The following SLC24A3 variants were observed in gnomAD, a reference collection of about 807,000 sequenced individuals.
SLC24A3 encodes the protein sodium/potassium/calcium exchanger 3.
In SLC24A3, 28 loss-of-function variants were observed where a neutral mutation model predicts 75.8. The observed-to-expected ratio is 0.37, with a 90% confidence interval of 0.27 to 0.51. SLC24A3 has a LOEUF of 0.51. SLC24A3 is among the 20% of genes least tolerant of loss of function. The pLI is 0.94. For missense variants in SLC24A3, 663 were observed against 847.8 expected (o/e 0.78, Z 2.71); for synonymous variants, 372 against 334.1 (o/e 1.11, Z -1.24).
At chr20:19,450,431 A>G (rs1381814239) in intron 2 of SLC24A3, among the ~76,000 whole-genome samples, 1 of 151,890 alleles carries the variant, frequency 6.6e-6, no homozygotes, top group Non-Finnish European at 1.5e-5. Context: ...GGGGAGGAGG[A>G]GGTGGCAGAG....
Position 19,328,287 on chromosome 20 carries a change from T to C in SLC24A3, c.271+47200T>C, listed in dbSNP as rs567847356. Among the ~76,000 whole-genome samples, 5 of 152,180 alleles carry C rather than the reference T, an allele frequency of 3.3e-5. 1 individual carries two copies. Among genetic ancestry groups the C allele is most frequent in the African/African-American group, 9.6e-5 (4 of 41,544 alleles). ...CCAGGTCTCTTAGGGTCTTGGGGGC[T>C]GGTGGAGGTCTTCTGCATTCACTGT... On this transcript the variant is annotated intron_variant, in intron 2 of 16. Transcript: ENST00000328041.
intron 6 of SLC24A3, among the ~76,000 whole-genome samples, chr20:19,603,855 C>A (rs530314947): frequency 6.6e-6 from 1 of 152,142 alleles, no homozygotes; most frequent in Non-Finnish European, 1.5e-5. Flanking sequence ...CGAGCTGGTG[C>A]GTATGAGAGC....
Position 19,485,201 on chromosome 20 carries a change from A to G in SLC24A3, c.272-30287A>G, listed in dbSNP as rs563229216. Among the ~76,000 whole-genome samples the G allele has an allele frequency of 3.1e-4, 47 of 152,292 alleles. 1 individual carries two copies. The South Asian group carries it at 9.5e-3, about 31-fold the overall frequency. On this transcript the variant is annotated intron_variant, in intron 2 of 16. Transcript: ENST00000328041. ...ATCTTCTAAATATTCTTGTCCAGATACACAAAGAAGTGTGCATAGGATGAT... is the reference window on the plus strand; with the variant it reads ...ATCTTCTAAATATTCTTGTCCAGATGCACAAAGAAGTGTGCATAGGATGAT...
At chr20:19,347,230 G>C (rs1163540644) in intron 2 of SLC24A3, among the ~76,000 whole-genome samples, 2 of 152,106 alleles carry the variant, frequency 1.3e-5, no homozygotes, top group African/African-American at 4.8e-5. Context: ...GAGGAAGGAG[G>C]GATAACTAGG....
rs377602269 is a variant in SLC24A3 at position 19,590,250 on chromosome 20, C to A, written c.612+4706C>A. On this transcript the variant is annotated intron_variant, in intron 6 of 16. Coordinates refer to ENST00000328041, the MANE Select transcript of SLC24A3 (RefSeq NM_020689.4). The stretch of plus-strand genomic sequence containing the variant: ...TCTTATACTCAGATGGCATCTCCCA[C>A]AGCTGGGCTTTTGCTTCCACCACAG... 6.6e-5 allele frequency among the ~76,000 whole-genome samples: 10 copies of A among 152,196 alleles called. 2 individuals carry two copies.
intron 15 of SLC24A3, among the ~76,000 whole-genome samples, chr20:19,704,918 G>C (rs902413333): frequency 6.6e-6 from 1 of 152,196 alleles, no homozygotes; most frequent in African/African-American, 2.4e-5. Flanking sequence ...CTGCAGATTA[G>C]GAAACCAAGG....
intron 6 of SLC24A3, among the ~76,000 whole-genome samples, chr20:19,592,227 TTTTAACAGGCTTC>T (rs1222779380): frequency 1.3e-5 from 2 of 152,244 alleles, no homozygotes; most frequent in African/African-American, 4.8e-5. Flanking sequence ...GTTGGGCATT[TTTTAACAGGCTTC>T]TTTGCCATCT....
chr20:19,366,317 C>CTT (rs1985890935), intron 2 of SLC24A3, among the ~76,000 whole-genome samples: 2 of 152,108 alleles, frequency 1.3e-5, no homozygotes, highest in Non-Finnish European at 2.9e-5. Flanking sequence ...AAAAGTTATC[C>CTT]CAGCCTTCTA....
At chr20:19,333,662 T>A (rs1452891379) in intron 2 of SLC24A3, among the ~76,000 whole-genome samples, 13 of 150,440 alleles carry the variant, frequency 8.6e-5, no homozygotes, top group African/African-American at 2.4e-4. Context: ...TGTGTGAGAG[T>A]GTGTGTGTGT....
In SLC24A3 at chr20:19,684,054, T is replaced by G. The variant is rs796807065; in HGVS notation, c.902-122T>G. On this transcript the variant is annotated intron_variant, in intron 10 of 16. Transcript: ENST00000328041. ...AAGAGTGGATGAGTGGATAGATGGATGGGTGAATGGATGGGAGGAAAGAAG... is the reference window on the plus strand; with the variant it reads ...AAGAGTGGATGAGTGGATAGATGGAGGGGTGAATGGATGGGAGGAAAGAAG... The G allele has an allele frequency of 6.5e-6, 7 of 1,082,464 alleles. No individual in the cohort carries two copies. The African/African-American group carries it at 9.4e-5, about 14-fold the overall frequency. The allele number at this position is 1,082,464 out of a possible 1,614,324, so 67.1% of individuals were successfully genotyped here.
At chr20:19,542,948 C>T (rs4813364) in intron 3 of SLC24A3, among the ~76,000 whole-genome samples, 19,837 of 152,110 alleles carry the variant, frequency 0.13, 1,417 homozygotes, top group East Asian at 0.17. Flanking sequence ...GTTTTAGCAT[C>T]TGTACAATGG....
chr20:19,636,383 A>G (rs1053533915), intron 6 of SLC24A3, among the ~76,000 whole-genome samples: 8 of 152,184 alleles, frequency 5.3e-5, no homozygotes, highest in Non-Finnish European at 1.0e-4. Context: ...CATCACTATT[A>G]ATAGACTAAT....
intron 2 of SLC24A3, among the ~76,000 whole-genome samples, chr20:19,401,917 G>C (rs6046054): frequency 0.025 from 3,815 of 152,212 alleles, 165 homozygotes; most frequent in African/African-American, 0.085. Flanking sequence ...GATAACACAC[G>C]TTTTATTGAT....
chr20:19,602,889 T>C (rs1442242547), intron 6 of SLC24A3, among the ~76,000 whole-genome samples: 1 of 152,164 alleles, frequency 6.6e-6, no homozygotes, highest in East Asian at 1.9e-4. Context: ...CAGACCACTC[T>C]CTGCTACCAC....
chr20:19,322,969 G>C (rs1303490502), intron 2 of SLC24A3, among the ~76,000 whole-genome samples: 1 of 152,104 alleles, frequency 6.6e-6, no homozygotes, highest in Non-Finnish European at 1.5e-5. Context: ...CACTTTGGGA[G>C]GCCGAGGCGG....
Position 19,721,239 on chromosome 20 carries a change from G to C in SLC24A3, c.*99G>C. On this transcript the variant is annotated 3_prime_UTR_variant, in exon 17 of 17. Coordinates refer to ENST00000328041, the MANE Select transcript of SLC24A3 (RefSeq NM_020689.4). ...ACAGGCCCCCGGGGCCACGGCGTTC[G>C]TCTCTCCTGTGCTGTCCTCAGGCCT... 1 of 1,487,422 alleles carries C rather than the reference G, an allele frequency of 6.7e-7. No individual in the cohort carries two copies. The highest frequency in any genetic ancestry group is 9.1e-7 in the Non-Finnish European group (1 of 1,096,036). 92.1% of individuals were successfully genotyped at this position (1,487,422 alleles called of 1,614,324 possible). A position where few individuals can be genotyped will look rare whatever the true frequency, so the allele number is the denominator to read the frequency against.
intron 2 of SLC24A3, among the ~76,000 whole-genome samples, chr20:19,313,005 C>T (rs1600423632): frequency 7.5e-6 from 1 of 133,588 alleles, no homozygotes; most frequent in African/African-American, 2.7e-5. Context: ...CCAGGGTTTT[C>T]AAGTATTCTT....
At chr20:19,445,556 A>C (rs895449099) in intron 2 of SLC24A3, among the ~76,000 whole-genome samples, 2 of 152,238 alleles carry the variant, frequency 1.3e-5, no homozygotes, top group African/African-American at 4.8e-5. Context: ...ATTATCAAGA[A>C]AGTTATCACT....
chr20:19,502,631 A>G (rs143119471), intron 2 of SLC24A3, among the ~76,000 whole-genome samples: 1 of 152,254 alleles, frequency 6.6e-6, no homozygotes, highest in East Asian at 1.9e-4. Flanking sequence ...CAATCCTCTG[A>G]TAATTCAACT....
Sources: allele counts gnomAD v4.1 joint callset (sites outside exome capture counted in the v4.1 genomes callset), GRCh38; gene constraint gnomAD v4.1.1; transcripts MANE v1.5; gene names NCBI Gene and HGNC (gene_info 2026-07-23, HGNC 2026-07-21).